ZNF654: variants seen among roughly 807,000 people sequenced by gnomAD.
ZNF654 encodes the protein zinc finger protein 654.
A neutral mutation model predicts 95.3 loss-of-function variants in ZNF654; 19 were observed. The ratio of observed to expected loss-of-function variants is 0.20; its 90% CI spans 0.14 to 0.29. ZNF654 has a LOEUF of 0.29. ZNF654 is among the 10% of genes least tolerant of loss of function. The pLI, the probability that ZNF654 is intolerant of heterozygous loss-of-function variation, is 1.00. For synonymous variants in ZNF654, 413 were observed against 457.9 expected (o/e 0.90, Z 1.25); for missense variants, 1,046 against 1,341.0 (o/e 0.78, Z 3.44).
At chr3:88,129,124 AT>A (rs1369031111) in intron 5 of ZNF654, 113 bp downstream of exon 5, 57 of 719,242 alleles carry the variant, frequency 7.9e-5, no homozygotes, top group Non-Finnish European at 1.1e-5. Context: ...AATGCCAAAG[AT>A]TTAAGGATTA....
chr3:88,102,777 C>CT (rs1333390598), intron 2 of ZNF654, among the ~76,000 whole-genome samples: 3 of 142,568 alleles, frequency 2.1e-5, no homozygotes, highest in Non-Finnish European at 4.6e-5. Context: ...AGACATGCCT[C>CT]TTTCTAGGCA....
At position 88,060,647 on chromosome 3, in the gene ZNF654, TTAAA is replaced by T. The variant is rs199936258; in HGVS notation, c.186+1149_186+1152del. 4.2e-3 allele frequency among the ~76,000 whole-genome samples: 638 copies of T among 152,316 alleles called. 3 individuals are homozygous for T. Among genetic ancestry groups the T allele is most frequent in the Admixed American group, 7.8e-3 (120 of 15,304 alleles). ...CCCTTCTGTCAAAGAGGAGTAATAG[TTAAA>T]TAAATATGTGAAGGGTTTGAATCAG... On this transcript the variant is annotated intron_variant, in intron 1 of 8. Coordinates refer to ENST00000636215, the MANE Select transcript of ZNF654 (RefSeq NM_001350134.2).
rs780560315 is a variant in ZNF654, at chr3:88,139,606, C to T, written c.1937C>T (p.Ser646Phe). 3.7e-6 allele frequency: 6 copies of T among 1,613,556 alleles called. No individual in the cohort carries two copies. The African/African-American group carries it at 8.0e-5, about 22-fold the overall frequency. The stretch of plus-strand genomic sequence containing the variant: ...TTGGAAGTGGAGACACTTACTGCTT[C>T]TAGTGAAGGAAACAAAGAAGTCATC... Reference protein sequence around the residue: ...KDLEVETLTASSEGNKEVIPE... With the variant: ...KDLEVETLTAFSEGNKEVIPE... The change falls in exon 8 of 9, where the codon TCT (serine) becomes TTT (phenylalanine). Residue 646 changes from serine to phenylalanine, a missense_variant. By Grantham distance (155) the Ser-to-Phe change is radical. Transcript: ENST00000636215.
In ZNF654 at chr3:88,140,402, A is replaced by C. The variant is rs762376583; in HGVS notation, c.2733A>C (p.Pro911=). 6.2e-7 allele frequency: 1 copy of C among 1,613,258 alleles called. No individual in the cohort carries two copies. The highest frequency in any genetic ancestry group is 1.1e-5 in the South Asian group (1 of 91,012). ...ATGAGAAACAAACTATTAGTCTGCC[A>C]GTTTCTACTAGCAAATCAAGGAAAG... The part of the protein sequence containing the change: ...SSNEKQTISL[P]VSTSKSRKES... Residue 911 remains proline (P), a synonymous_variant, in exon 8 of 9, where the codon CCA becomes CCC. Coordinates refer to ENST00000636215, the MANE Select transcript of ZNF654 (RefSeq NM_001350134.2).
At chr3:88,109,004 G>A (rs187120177) in intron 2 of ZNF654, among the ~76,000 whole-genome samples, 2 of 152,066 alleles carry the variant, frequency 1.3e-5, no homozygotes, top group Admixed American at 6.6e-5. Flanking sequence ...TGGAAAAGGC[G>A]TTACATTTGT....
intron 1 of ZNF654, among the ~76,000 whole-genome samples, chr3:88,081,247 TTA>T (rs1559696629): frequency 2.6e-5 from 4 of 152,220 alleles, no homozygotes. Context: ...ATGTATTTTA[TTA>T]TATAGTTCAC....
At chr3:88,109,652 G>A (rs922554847) in intron 2 of ZNF654, among the ~76,000 whole-genome samples, 2 of 152,120 alleles carry the variant, frequency 1.3e-5, no homozygotes, top group Admixed American at 1.3e-4. Flanking sequence ...GACCTGCACA[G>A]TTTAAATCTG....
intron 3 of ZNF654, among the ~76,000 whole-genome samples, chr3:88,121,054 A>C (rs1209738848): frequency 6.6e-6 from 1 of 152,120 alleles, no homozygotes; most frequent in Non-Finnish European, 1.5e-5. Context: ...ATACCTATGT[A>C]ACAAACCTGT....
rs142802927 is a variant in ZNF654 at position 88,076,498 on chromosome 3, T to C, written c.187-9759T>C. On this transcript the variant is annotated intron_variant, in intron 1 of 8. Coordinates refer to ENST00000636215, the MANE Select transcript of ZNF654 (RefSeq NM_001350134.2). ...TTCCTAAGGAAGTCCCTCTTTTCTT[T>C]TATCTTAATCAGTATGCCCTCCTTT... Among the ~76,000 whole-genome samples, 814 of 152,330 alleles carry C rather than the reference T, an allele frequency of 5.3e-3. 5 individuals are homozygous for C. The highest frequency in any genetic ancestry group is 0.017 in the African/African-American group (699 of 41,578).
intron 1 of ZNF654, among the ~76,000 whole-genome samples, chr3:88,080,861 C>T (rs1200918377): frequency 6.6e-6 from 1 of 152,164 alleles, no homozygotes; most frequent in African/African-American, 2.4e-5. Flanking sequence ...TTTAGACTTA[C>T]AGAATGCAGT....
intron 2 of ZNF654, among the ~76,000 whole-genome samples, chr3:88,105,654 A>G (rs764567181): frequency 2.6e-5 from 4 of 152,156 alleles, no homozygotes; most frequent in South Asian, 2.1e-4. Flanking sequence ...CTGGCCTTGT[A>G]TATCTCTGAC....
intron 3 of ZNF654, among the ~76,000 whole-genome samples, chr3:88,124,975 G>T (rs1706002985): frequency 1.3e-5 from 2 of 152,024 alleles, no homozygotes; most frequent in Admixed American, 6.6e-5. Context: ...CAGCACTTTG[G>T]GAGGCCGAGG....
intron 2 of ZNF654, chr3:88,095,867 C>A: frequency 4.4e-6 from 2 of 451,752 alleles, no homozygotes; most frequent in South Asian, 1.7e-5. Context: ...TCAGCAGATA[C>A]TCCACTTGCC....
At chr3:88,111,265 A>G (rs910857740) in intron 2 of ZNF654, among the ~76,000 whole-genome samples, 4 of 151,988 alleles carry the variant, frequency 2.6e-5, no homozygotes, top group African/African-American at 9.7e-5. Context: ...AAAACGATTA[A>G]TAACGAAAAA....
intron 1 of ZNF654, among the ~76,000 whole-genome samples, chr3:88,065,853 C>T (rs541741358): frequency 9.8e-4 from 149 of 152,254 alleles, no homozygotes; most frequent in African/African-American, 3.5e-3. Flanking sequence ...CATCAGCCCC[C>T]ACCCCCAGTA....
At chr3:88,076,567 C>CTGTTTTGTTT (rs373817082) in intron 1 of ZNF654, among the ~76,000 whole-genome samples, 1 of 152,018 alleles carries the variant, frequency 6.6e-6, no homozygotes, top group African/African-American at 2.4e-5. Context: ...AGTGCATCAT[C>CTGTTTTGTTT]TGTTTTGTTT....
At chr3:88,093,561 C>A (rs1165035959) in intron 2 of ZNF654, among the ~76,000 whole-genome samples, 1 of 151,996 alleles carries the variant, frequency 6.6e-6, no homozygotes, top group Non-Finnish European at 1.5e-5. Context: ...AGAGAAAAGA[C>A]CAAAGGGTCT....
intron 2 of ZNF654, 89 bp downstream of exon 2, chr3:88,086,491 T>TTA: frequency 1.8e-6 from 2 of 1,113,254 alleles, no homozygotes; most frequent in Non-Finnish European, 2.4e-6. Context: ...AGAAGAAACC[T>TTA]TTCCTAAAGT....
At chr3:88,121,040 G>A (rs1040701733) in intron 3 of ZNF654, among the ~76,000 whole-genome samples, 41 of 151,942 alleles carry the variant, frequency 2.7e-4, no homozygotes, top group Admixed American at 6.6e-4. Context: ...ACCATGGTAC[G>A]TGTATACCTA....
Sources: gnomAD v4.1 joint callset for allele counts (sites outside exome capture counted in the v4.1 genomes callset) on GRCh38, gnomAD v4.1.1 for gene constraint, MANE v1.5 for transcripts, NCBI Gene and HGNC (gene_info 2026-07-23, HGNC 2026-07-21) for gene names.